Variants in SPECC1 observed in about 807,000 individuals in gnomAD.
SPECC1 encodes cytospin-B.
A neutral mutation model predicts 104.1 loss-of-function variants in SPECC1; 62 were observed. The observed-to-expected ratio is 0.60, with a 90% CI of 0.49 to 0.74. The LOEUF (loss-of-function observed/expected upper bound fraction) is 0.74. Ranked by LOEUF, SPECC1 falls within the 30% of genes least tolerant of loss-of-function variation. The pLI is 0.00. For synonymous variants in SPECC1, 513 were observed against 501.6 expected, an observed-to-expected ratio of 1.02 and a Z score of -0.30; for missense variants, 1,306 against 1,310.5, an observed-to-expected ratio of 1.00 and a Z score of 0.05.
chr17:20,226,088 A>C (rs2038186394), intron 4 of SPECC1, among the ~76,000 whole-genome samples: 1 of 152,230 alleles, frequency 6.6e-6, no homozygotes, highest in African/African-American at 2.4e-5. Context: ...ATTTCATTTC[A>C]TACAAAGAAA....
chr17:20,052,049 C>T (rs2045794010), intron 1 of SPECC1, among the ~76,000 whole-genome samples: 1 of 152,114 alleles, frequency 6.6e-6, no homozygotes, highest in Non-Finnish European at 1.5e-5. Flanking sequence ...CAAAAAAACC[C>T]TAGAAGAATG....
At chr17:20,152,088 G>A (rs1245355071) in intron 3 of SPECC1, among the ~76,000 whole-genome samples, 1 of 151,760 alleles carries the variant, frequency 6.6e-6, no homozygotes, top group East Asian at 1.9e-4. Context: ...ATCACTTGAG[G>A]TCAGGAGTTT....
In SPECC1 at chr17:20,257,510, T is replaced by A; in HGVS notation, c.2740T>A (p.Ser914Thr). 1 of 1,612,654 alleles carries A rather than the reference T, an allele frequency of 6.2e-7. No homozygotes were observed. Among genetic ancestry groups the A allele is most frequent in the South Asian group, 1.1e-5 (1 of 90,808 alleles). Residue 914 changes from serine to threonine, a missense_variant, in exon 11 of 15, where the codon TCA becomes ACA. By Grantham distance (58) the Ser-to-Thr change is moderately conservative (BLOSUM62 1). Transcript: ENST00000395527. ...KPDPHLRKSP[S>T]LESLSRPPSL... is the part of the protein sequence containing the mutation. ...AGACCCCCACCTCCGCAAGAGTCCC[T>A]CACTAGAGTCACTGAGCAGACCCCC... is the stretch of plus-strand genomic sequence containing the variant.
chr17:20,174,433 T>G (rs989822725), intron 3 of SPECC1, among the ~76,000 whole-genome samples: 11 of 152,040 alleles, frequency 7.2e-5, no homozygotes, highest in African/African-American at 2.2e-4. Context: ...GTGCAGAGTT[T>G]ATGGGGGTTG....
intron 12 of SPECC1, among the ~76,000 whole-genome samples, chr17:20,283,929 C>A (rs1315061743): frequency 6.6e-6 from 1 of 152,072 alleles, no homozygotes; most frequent in Non-Finnish European, 1.5e-5. Flanking sequence ...GAGTATTAGT[C>A]GTTTGCTATA....
At chr17:20,268,267 A>G (rs1383631886) in intron 12 of SPECC1, among the ~76,000 whole-genome samples, 1 of 152,236 alleles carries the variant, frequency 6.6e-6, no homozygotes, top group Non-Finnish European at 1.5e-5. Flanking sequence ...TTAACCTGTT[A>G]GCTCAGACCT....
At chr17:20,291,505 G>T (rs1269689761) in intron 12 of SPECC1, among the ~76,000 whole-genome samples, 1 of 152,170 alleles carries the variant, frequency 6.6e-6, no homozygotes, top group Admixed American at 6.5e-5. Context: ...ACAGTGACAG[G>T]CTTATCACAG....
intron 7 of SPECC1, chr17:20,238,610 GAA>G (rs1245375114): frequency 1.9e-6 from 2 of 1,042,880 alleles, no homozygotes; most frequent in Non-Finnish European, 2.3e-6. Flanking sequence ...CTTGGCGTGA[GAA>G]GAGACATTGA....
At chr17:20,297,644 G>A (rs1475815096) in intron 13 of SPECC1, among the ~76,000 whole-genome samples, 1 of 152,154 alleles carries the variant, frequency 6.6e-6, no homozygotes, top group Non-Finnish European at 1.5e-5. Context: ...GGGCTAAAGA[G>A]GCCATTGATC....
intron 8 of SPECC1, 124 bp downstream of exon 8, chr17:20,246,195 G>A (rs917028133): frequency 5.3e-6 from 6 of 1,132,358 alleles, no homozygotes; most frequent in Non-Finnish European, 7.5e-6. Flanking sequence ...CGCTTTCCAG[G>A]TCCTACCACG....
intron 3 of SPECC1, among the ~76,000 whole-genome samples, chr17:20,190,579 C>T (rs929322407): frequency 6.6e-6 from 1 of 152,202 alleles, no homozygotes; most frequent in Non-Finnish European, 1.5e-5. Flanking sequence ...CAAACACACT[C>T]AGCCTCCTCA....
chr17:20,229,671 C>T (rs147695552), intron 5 of SPECC1, among the ~76,000 whole-genome samples: 2 of 152,190 alleles, frequency 1.3e-5, no homozygotes, highest in African/African-American at 4.8e-5. Context: ...AAGACTGCAT[C>T]TCTAAAAAAA....
intron 3 of SPECC1, among the ~76,000 whole-genome samples, chr17:20,129,331 G>A (rs1247804959): frequency 6.6e-6 from 1 of 151,704 alleles, no homozygotes; most frequent in African/African-American, 2.4e-5. Flanking sequence ...GACTACAGGC[G>A]CCTGCCACCA....
At chr17:20,194,502 A>ATTATTTTTTTTGTTTTTTTTTTTT in intron 3 of SPECC1, among the ~76,000 whole-genome samples, 1 of 86,564 alleles carries the variant, frequency 1.2e-5, no homozygotes, top group Non-Finnish European at 2.1e-5. Flanking sequence ...AAGAGAACGA[A>ATTATTTTTTTTGTTTTTTTTTTTT]TTTTTTTTTT....
chr17:20,296,685 CTT>C (rs1289733475), intron 12 of SPECC1, among the ~76,000 whole-genome samples: 3 of 152,178 alleles, frequency 2.0e-5, no homozygotes, highest in Non-Finnish European at 2.9e-5. Flanking sequence ...TTTGTGTCCT[CTT>C]TTATTTCGTT....
intron 3 of SPECC1, among the ~76,000 whole-genome samples, chr17:20,124,545 G>A (rs1230871218): frequency 6.6e-6 from 1 of 152,104 alleles, no homozygotes; most frequent in African/African-American, 2.4e-5. Flanking sequence ...GTTTGTTCTT[G>A]TTTTCATAAT....
At chr17:20,102,953 G>A (rs117305538) in intron 2 of SPECC1, among the ~76,000 whole-genome samples, 341 of 152,288 alleles carry the variant, frequency 2.2e-3, no homozygotes, top group Non-Finnish European at 3.7e-3. Context: ...AATCCTCAGA[G>A]CAACACTCTG....
At chr17:20,299,157 C>T (rs1316498426) in intron 13 of SPECC1, among the ~76,000 whole-genome samples, 3 of 151,998 alleles carry the variant, frequency 2.0e-5, no homozygotes, top group Non-Finnish European at 4.4e-5. Flanking sequence ...ATTCCCTCTT[C>T]TTCAGTGAGG....
Position 20,009,653 on chromosome 17 carries a change from C to T in SPECC1, c.-22+229C>T, listed in dbSNP as rs528421747. Among the ~76,000 whole-genome samples, 23 of 152,260 alleles carry T rather than the reference C, an allele frequency of 1.5e-4. No homozygotes were observed. The highest frequency in any genetic ancestry group is 5.5e-4 in the African/African-American group (23 of 41,580). ...GACGTCCTGGCCTGTCCTGCCCGGC[C>T]CGGAGCGGTGGGACCGGTGCCGCAG... On this transcript the variant is annotated intron_variant, in intron 1 of 14. Coordinates refer to ENST00000395527, the MANE Select transcript of SPECC1 (RefSeq NM_001243439.2). This position sits in a 1 kb window ranked among gnomAD's most constrained non-coding sequence, Gnocchi z 5.2.
Sources: gnomAD v4.1 joint callset for allele counts (sites outside exome capture counted in the v4.1 genomes callset) on GRCh38, gnomAD v4.1.1 for gene constraint, Gnocchi (gnomAD v3.1) non-coding constraint, MANE v1.5 for transcripts, NCBI Gene and HGNC (gene_info 2026-07-23, HGNC 2026-07-21) for gene names.